Variants in TTK observed in about 807,000 individuals in gnomAD.
TTK encodes dual specificity protein kinase TTK.
TTK carries 59 observed loss-of-function variants against 117.3 expected under a neutral mutation model. The observed-to-expected ratio is 0.50, with a 90% CI of 0.41 to 0.62. The LOEUF is 0.62. Ranked by LOEUF, TTK falls within the 20% of genes least tolerant of loss-of-function variation. The pLI, the probability that TTK is intolerant of heterozygous loss-of-function variation, is 0.00. For missense variants in TTK, 921 were observed against 989.4 expected, an observed-to-expected ratio of 0.93 and a Z score of 0.93; for synonymous variants, 302 against 325.0, an observed-to-expected ratio of 0.93 and a Z score of 0.76.
Position 80,010,909 on chromosome 6 carries a change from C to T in TTK, c.565C>T (p.Leu189Phe). 6.2e-7 allele frequency: 1 copy of T among 1,611,794 alleles called. No individual in the cohort carries two copies. ...MLEIALRNLN[L>F]QKKQLLSEEE... ...GGAAATTGCCCTGCGGAATTTAAAC[C>T]TCCAAAAAAAGCAGCTGCTTTCAGA... The change falls in exon 5 of 22, where the codon CTC becomes TTC. Residue 189 changes from leucine (L) to phenylalanine (F), a missense_variant. Leu to Phe is a conservative substitution (Grantham distance 22). Transcript: ENST00000369798.
At chr6:80,008,580 G>A (rs1767057497) in intron 4 of TTK, 88 bp downstream of exon 4, 4 of 1,193,378 alleles carry the variant, frequency 3.4e-6, no homozygotes, top group Non-Finnish European at 4.6e-6. Context: ...ATATGAAGTG[G>A]AAATTTGAGG....
chr6:80,007,973 A>G lies in TTK; in HGVS notation c.304A>G (p.Lys102Glu), dbSNP rs368277234. 5.7e-5 allele frequency: 92 copies of G among 1,613,484 alleles called. No homozygotes were observed. Among genetic ancestry groups the G allele is most frequent in the Non-Finnish European group, 7.6e-5 (90 of 1,179,646 alleles). The stretch of plus-strand genomic sequence containing the variant: ...AGCAATTGAAGCGCTTCCCCCAGAT[A>G]AATATGGCCAAAATGAGAGTTTTGC... ...SQAIEALPPDKYGQNESFARI... is the reference protein window; with the variant it reads ...SQAIEALPPDEYGQNESFARI... The change falls in exon 3 of 22, where the codon AAA becomes GAA. Residue 102 changes from lysine to glutamate, a missense_variant. Physicochemically the swap from Lys to Glu is moderately conservative, Grantham distance 56. Transcript: ENST00000369798.
chr6:80,014,212 A>G (rs1299678852), intron 9 of TTK, among the ~76,000 whole-genome samples: 2 of 152,168 alleles, frequency 1.3e-5, no homozygotes, highest in African/African-American at 4.8e-5. Flanking sequence ...TAAGTGAAAT[A>G]TATTTTAGCA....
intron 21 of TTK, among the ~76,000 whole-genome samples, chr6:80,041,862 A>G (rs555547627): frequency 1.1e-3 from 169 of 151,792 alleles, no homozygotes; most frequent in Non-Finnish European, 2.0e-3. Flanking sequence ...GAAGGCTCAT[A>G]TGTATGTTTA....
At chr6:80,016,207 A>C (rs1363814543) in intron 10 of TTK, among the ~76,000 whole-genome samples, 1 of 152,214 alleles carries the variant, frequency 6.6e-6, no homozygotes, top group Admixed American at 6.5e-5. Flanking sequence ...TGATTCACAT[A>C]TGTACAAATT....
At chr6:80,006,604 A>G (rs560818428) in intron 2 of TTK, among the ~76,000 whole-genome samples, 2 of 152,292 alleles carry the variant, frequency 1.3e-5, no homozygotes, top group African/African-American at 2.4e-5. Context: ...TATATTCACT[A>G]TGCTACATTG....
At chr6:80,027,423 GAT>G (rs1477609659) in intron 12 of TTK, among the ~76,000 whole-genome samples, 1 of 152,004 alleles carries the variant, frequency 6.6e-6, no homozygotes, top group Non-Finnish European at 1.5e-5. Context: ...AGGTGTTGAG[GAT>G]ATATTAATAG....
chr6:80,019,382 T>C (rs956207698), intron 10 of TTK, among the ~76,000 whole-genome samples: 2 of 152,230 alleles, frequency 1.3e-5, no homozygotes, highest in Non-Finnish European at 2.9e-5. Flanking sequence ...AAGACTATTC[T>C]GTAATTTCTG....
At chr6:80,029,079 TAAAAC>T (rs1424495819) in intron 13 of TTK, among the ~76,000 whole-genome samples, 6 of 152,034 alleles carry the variant, frequency 3.9e-5, no homozygotes, top group Non-Finnish European at 8.8e-5. Flanking sequence ...GTTATTTAAA[TAAAAC>T]AATAAAAAAC....
intron 4 of TTK, 28 bp downstream of exon 4, chr6:80,008,520 T>A (rs1222977261): frequency 6.4e-7 from 1 of 1,573,850 alleles, no homozygotes; most frequent in Admixed American, 1.8e-5. Context: ...AATTCAAATT[T>A]TAAGTAAAGG....
chr6:80,011,816 A>G lies in TTK; in HGVS notation c.801+15A>G. On this transcript the variant is annotated intron_variant, in intron 7 of 21. Transcript: ENST00000369798. ...AAACTAAACAGGTAAGTTACTTTCA[A>G]TCTGCTTGATTAAGGTGGTGATAGT... The G allele has an allele frequency of 1.2e-6, 2 of 1,612,556 alleles. No homozygotes were observed. The highest frequency in any genetic ancestry group is 1.1e-5 in the South Asian group (1 of 90,980).
chr6:80,014,525 T>C lies in TTK; in HGVS notation c.1047T>C (p.Ile349=), dbSNP rs1259327722. 6.2e-7 allele frequency: 1 copy of C among 1,609,998 alleles called. No homozygotes were observed. Among genetic ancestry groups the C allele is most frequent in the African/African-American group, 1.3e-5 (1 of 74,768 alleles). ...CAGATGAAAAGAGTTCTGAACTTAT[T>C]ATTACTGATTCAATAACCCTGAAGA... is the stretch of plus-strand genomic sequence containing the variant. ...LVSDEKSSEL[I]ITDSITLKNK... The change falls in exon 10 of 22, where the codon ATT becomes ATC. Residue 349 remains isoleucine (I), a synonymous_variant. Transcript: ENST00000369798.
At chr6:80,023,401 G>C (rs1767517730) in intron 11 of TTK, among the ~76,000 whole-genome samples, 1 of 152,190 alleles carries the variant, frequency 6.6e-6, no homozygotes, top group African/African-American at 2.4e-5. Context: ...AGACCATCTT[G>C]GCTAACATGG....
At chr6:80,041,305 A>T (rs1768043980) in intron 21 of TTK, among the ~76,000 whole-genome samples, 1 of 151,772 alleles carries the variant, frequency 6.6e-6, no homozygotes, top group South Asian at 2.1e-4. Flanking sequence ...AACTATCAAT[A>T]CTCGTAGCTC....
At chr6:80,026,805 T>G (rs571555422) in intron 12 of TTK, among the ~76,000 whole-genome samples, 2 of 152,330 alleles carry the variant, frequency 1.3e-5, no homozygotes, top group Admixed American at 1.3e-4. Flanking sequence ...AATCATGTAT[T>G]GCCATACAGA....
chr6:80,031,550 TTCAAGCAAGGTAAGTA>T lies in TTK; in HGVS notation c.1608_1614+9del. 1 of 1,512,542 alleles carries T rather than the reference TTCAAGCAAGGTAAGTA, an allele frequency of 6.6e-7. No individual in the cohort carries two copies. The highest frequency in any genetic ancestry group is 8.8e-7 in the Non-Finnish European group (1 of 1,135,804). The allele number at this position is 1,512,542 out of a possible 1,614,324, so 93.7% of individuals were successfully genotyped here. ...TATTAAAGCAGATAGGAAGTGGAGG[TTCAAGCAAGGTAAGTA>T]TCTTAAAATATTTACGAAATAAATA... is the stretch of plus-strand genomic sequence containing the variant. On this transcript the variant is annotated splice_donor_variant and splice_donor_5th_base_variant and coding_sequence_variant and intron_variant, in exon 14 of 22. Coordinates refer to ENST00000369798, the MANE Select transcript of TTK (RefSeq NM_003318.5). LOFTEE classifies it high-confidence loss of function.
At chr6:80,018,255 T>A (rs1431996480) in intron 10 of TTK, among the ~76,000 whole-genome samples, 1 of 152,172 alleles carries the variant, frequency 6.6e-6, no homozygotes, top group Admixed American at 6.5e-5. Flanking sequence ...TTGCTAAATT[T>A]ACTGAGTAAT....
At chr6:80,024,074 C>T (rs1767540187) in intron 11 of TTK, among the ~76,000 whole-genome samples, 1 of 152,170 alleles carries the variant, frequency 6.6e-6, no homozygotes, top group Admixed American at 6.5e-5. Flanking sequence ...CTACTTCACA[C>T]CCACTAGGAC....
intron 13 of TTK, among the ~76,000 whole-genome samples, chr6:80,030,832 C>T (rs563913334): frequency 6.6e-6 from 1 of 152,112 alleles, no homozygotes; most frequent in Non-Finnish European, 1.5e-5. Context: ...GACTTTGGAG[C>T]TCTTAGCACC....
Sources: gnomAD v4.1 joint callset for allele counts (sites outside exome capture counted in the v4.1 genomes callset) on GRCh38, gnomAD v4.1.1 for gene constraint, MANE v1.5 for transcripts, NCBI Gene and HGNC (gene_info 2026-07-23, HGNC 2026-07-21) for gene names.